CAPN15: variants seen among roughly 807,000 people sequenced by gnomAD.
The protein encoded by CAPN15 is calpain 15.
A neutral mutation model predicts 97.9 loss-of-function variants in CAPN15; 53 were observed. The observed-to-expected ratio is 0.54, with a 90% CI of 0.43 to 0.68. The LOEUF is 0.68. CAPN15 is among the 30% of genes least tolerant of loss of function. The pLI is 0.00. For synonymous variants in CAPN15, 922 were observed against 722.5 expected (o/e 1.28, Z -4.43); for missense variants, 1,592 against 1,589.8 (o/e 1.00, Z -0.02).
intron 2 of CAPN15, among the ~76,000 whole-genome samples, chr16:534,231 C>CGGGGCCGTGGTCCTGTCGTGGGAGGCGA (rs370331827): frequency 6.8e-6 from 1 of 147,792 alleles, no homozygotes; most frequent in African/African-American, 2.7e-5. Flanking sequence ...GGGGTCCCGA[C>CGGGGCCGTGGTCCTGTCGTGGGAGGCGA]AGGGGTGTTT....
chr16:551,123 C>T (rs1043978601), intron 7 of CAPN15, among the ~76,000 whole-genome samples, 179 bp from the exon 8 acceptor site: 7 of 134,780 alleles, frequency 5.2e-5, no homozygotes, highest in East Asian at 2.1e-4. Context: ...CGGTGAGGGC[C>T]CCTGTTGGTG....
At position 547,168 on chromosome 16, in the gene CAPN15, T is replaced by C; in HGVS notation, c.330T>C (p.Thr110=). 1 of 1,542,634 alleles carries C rather than the reference T, an allele frequency of 6.5e-7. No homozygotes were observed. The highest frequency in any genetic ancestry group is 8.7e-7 in the Non-Finnish European group (1 of 1,148,614). Residue 110 remains threonine (T), a synonymous_variant, in exon 4 of 14, where the codon ACT becomes ACC. Coordinates refer to ENST00000219611, the MANE Select transcript of CAPN15 (RefSeq NM_005632.3). ...AGGAGGAAGCAGGTCCAGTGAGGAC[T>C]GCGGGGCTGGTGGCCACGGAGCCCG... ...SCQEEAGPVR[T]AGLVATEPAR...
At chr16:542,377 A>G (rs1391142128) in intron 3 of CAPN15, among the ~76,000 whole-genome samples, 2 of 152,118 alleles carry the variant, frequency 1.3e-5, no homozygotes, top group Non-Finnish European at 2.9e-5. Context: ...CAGCGGCTGC[A>G]TTACCTAGTT....
chr16:553,695 C>CCA lies in CAPN15; in HGVS notation c.*180_*181insAC. 2.0e-6 allele frequency: 1 copy of CCA among 508,802 alleles called. No individual in the cohort carries two copies. Among genetic ancestry groups the CCA allele is most frequent in the Non-Finnish European group, 3.4e-6 (1 of 290,400 alleles). The allele number at this position is 508,802 out of a possible 1,614,324, so 31.5% of individuals were successfully genotyped here. A position where few individuals can be genotyped will look rare whatever the true frequency, so the allele number is the denominator to read the frequency against. On this transcript the variant is annotated 3_prime_UTR_variant, in exon 14 of 14. Coordinates refer to ENST00000219611, the MANE Select transcript of CAPN15 (RefSeq NM_005632.3). ...CGCCCCCCTCCTTCCCCTCCCTGAA[C>CCA]CCCACAGTCCGCCTGGCCAGGCCTC...
intron 3 of CAPN15, among the ~76,000 whole-genome samples, chr16:546,090 G>A (rs61545161): frequency 0.04 from 6,127 of 152,286 alleles, 233 homozygotes; most frequent in African/African-American, 0.096. Context: ...GTCCACCCCC[G>A]TCCACTCTGC....
chr16:531,783 TG>T, intron 1 of CAPN15, among the ~76,000 whole-genome samples: 1 of 152,046 alleles, frequency 6.6e-6, no homozygotes, highest in Non-Finnish European at 1.5e-5. Flanking sequence ...TCCCCTTCTC[TG>T]GGGTGACAGG....
chr16:542,365 C>T (rs11865586), intron 3 of CAPN15, among the ~76,000 whole-genome samples: 7,874 of 152,232 alleles, frequency 0.052, 379 homozygotes, highest in African/African-American at 0.12. Context: ...AGCCATCTTC[C>T]GCAGCGGCTG....
intron 1 of CAPN15, among the ~76,000 whole-genome samples, chr16:528,335 G>T (rs767775819): frequency 1.3e-5 from 2 of 152,212 alleles, no homozygotes; most frequent in Non-Finnish European, 2.9e-5. Context: ...AGCCCCGGGG[G>T]CCGCGCACAC....
Position 552,548 on chromosome 16 carries a change from C to T in CAPN15, c.2737+18C>T. 1 of 1,583,740 alleles carries T rather than the reference C, an allele frequency of 6.3e-7. No individual in the cohort carries two copies. The highest frequency in any genetic ancestry group is 8.6e-7 in the Non-Finnish European group (1 of 1,169,302). On this transcript the variant is annotated intron_variant, in intron 11 of 13. Transcript: ENST00000219611. The surrounding 1 kb of genome is among the most constrained non-coding windows in gnomAD (Gnocchi z 6.4). ...CCCCCAGGGTACGTGGCCCCTACCC[C>T]AGGCTCATGCCCCAGGCCCACGGGG... is the stretch of plus-strand genomic sequence containing the variant.
Position 552,658 on chromosome 16 carries a change from G to A in CAPN15, c.2791G>A (p.Val931Met), listed in dbSNP as rs566390187. The A allele has an allele frequency of 1.3e-4, 207 of 1,540,386 alleles. No individual in the cohort carries two copies. In the Middle Eastern group the frequency reaches 5.2e-3, roughly 39 times the overall value. The stretch of plus-strand genomic sequence containing the variant: ...AGCCTCCCCAGAGCCGCCGGGCCAC[G>A]TGCTGGCTGTGTACAGCTCGAGGCT... The part of the protein sequence containing the change: ...PRASPEPPGH[V>M]LAVYSSRLVM... Residue 931 changes from valine (V) to methionine (M), a missense_variant, in exon 12 of 14, where the codon GTG becomes ATG. Coordinates refer to ENST00000219611, the MANE Select transcript of CAPN15 (RefSeq NM_005632.3). The surrounding 1 kb of genome is among the most constrained non-coding windows in gnomAD (Gnocchi z 6.4).
chr16:528,387 A>T (rs2033006633), intron 1 of CAPN15, among the ~76,000 whole-genome samples: 1 of 152,114 alleles, frequency 6.6e-6, no homozygotes, highest in African/African-American at 2.4e-5. Flanking sequence ...GTGCCCTTAT[A>T]TCCGGGCCCA....
At position 552,022 on chromosome 16, in the gene CAPN15, T is replaced by C; in HGVS notation, c.2346-29T>C. On this transcript the variant is annotated intron_variant, in intron 9 of 13. Coordinates refer to ENST00000219611, the MANE Select transcript of CAPN15 (RefSeq NM_005632.3). The surrounding 1 kb of genome is among the most constrained non-coding windows in gnomAD (Gnocchi z 6.4). Reference sequence around the variant, plus strand: ...CACGGAGGTGTGGGCCGTGGTAGGCTCAGGGCCCCGTCCTCCCGCCACCTG... The same window carrying C: ...CACGGAGGTGTGGGCCGTGGTAGGCCCAGGGCCCCGTCCTCCCGCCACCTG... 1 of 1,545,112 alleles carries C rather than the reference T, an allele frequency of 6.5e-7. No homozygotes were observed. The highest frequency in any genetic ancestry group is 8.7e-7 in the Non-Finnish European group (1 of 1,144,868).
chr16:538,008 A>G (rs2033848587), intron 3 of CAPN15: 1 of 152,260 alleles, frequency 6.6e-6, no homozygotes, highest in Non-Finnish European at 1.5e-5. Context: ...ACACGGACGC[A>G]GCGATGTCTC....
intron 3 of CAPN15, chr16:537,065 AC>A (rs2033786003): frequency 1.1e-6 from 1 of 887,954 alleles, no homozygotes; most frequent in Non-Finnish European, 1.3e-6. Flanking sequence ...TGCTGGAAAA[AC>A]CCCGGAGAGG....
At chr16:536,922 C>G (rs1567137207) in intron 3 of CAPN15, 1 of 155,312 alleles carries the variant, frequency 6.4e-6, no homozygotes, top group Non-Finnish European at 1.4e-5. Flanking sequence ...CAGCTGTGTC[C>G]CGGGAGCTCT....
At chr16:540,254 C>A in intron 3 of CAPN15, 1 of 985,452 alleles carries the variant, frequency 1.0e-6, no homozygotes, top group African/African-American at 1.7e-5. Flanking sequence ...CCCGGGGGAC[C>A]GCCCTACCCG....
At chr16:541,381 C>T (rs1286913115) in intron 3 of CAPN15, among the ~76,000 whole-genome samples, 2 of 149,672 alleles carry the variant, frequency 1.3e-5, no homozygotes, top group African/African-American at 4.9e-5. Flanking sequence ...GGGGAGGGGC[C>T]GTGTGGGGGA....
At chr16:546,289 T>C (rs928357571) in intron 3 of CAPN15, among the ~76,000 whole-genome samples, 3 of 152,200 alleles carry the variant, frequency 2.0e-5, no homozygotes, top group Non-Finnish European at 4.4e-5. Context: ...ATTCAGGCCA[T>C]ATTTACAAGA....
Position 547,761 on chromosome 16 carries a change from G to A in CAPN15, c.923G>A (p.Ser308Asn). Reference sequence around the variant, plus strand: ...GAAGAGGCCACGGAGGGTGGCACCAGCCGCGTAGAGGCCGGCAGCTCCACC... The same window carrying A: ...GAAGAGGCCACGGAGGGTGGCACCAACCGCGTAGAGGCCGGCAGCTCCACC... ...LEEEATEGGT[S>N]RVEAGSSTSG... Residue 308 changes from serine to asparagine, a missense_variant, in exon 4 of 14, where the codon AGC becomes AAC. Ser to Asn is a conservative substitution (Grantham distance 46). Transcript: ENST00000219611. The A allele has an allele frequency of 6.2e-7, 1 of 1,609,846 alleles. No homozygotes were observed. The highest frequency in any genetic ancestry group is 8.5e-7 in the Non-Finnish European group (1 of 1,178,230).
Sources: allele counts gnomAD v4.1 joint callset (sites outside exome capture counted in the v4.1 genomes callset), GRCh38; gene constraint gnomAD v4.1.1; non-coding constraint Gnocchi (gnomAD v3.1); transcripts MANE v1.5; gene names NCBI Gene and HGNC (gene_info 2026-07-23, HGNC 2026-07-21).